The following BTLA variants were observed in gnomAD, a reference collection of about 807,000 sequenced individuals.
BTLA encodes B and T lymphocyte associated.
Under a neutral mutation model 25.0 loss-of-function variants are expected in BTLA, and 11 were observed. The ratio of observed to expected loss-of-function variants is 0.44; its 90% CI spans 0.28 to 0.73. The LOEUF (loss-of-function observed/expected upper bound fraction) is 0.73. Ranked by LOEUF, BTLA falls within the 30% of genes least tolerant of loss-of-function variation. The pLI, the probability that BTLA is intolerant of heterozygous loss-of-function variation, is 0.15. For missense variants in BTLA, 282 were observed against 332.8 expected (o/e 0.85, Z 1.19); for synonymous variants, 104 against 119.8 (o/e 0.87, Z 0.86).
rs2082252545 is a variant in BTLA, at chr3:112,469,821, A to G, written c.548-17T>C. The G allele has an allele frequency of 6.2e-7, 1 of 1,602,516 alleles. No homozygotes were observed. Among genetic ancestry groups the G allele is most frequent in the Non-Finnish European group, 8.5e-7 (1 of 1,174,982 alleles). On this transcript the variant is annotated splice_polypyrimidine_tract_variant and intron_variant, in intron 3 of 4. Coordinates refer to ENST00000334529, the MANE Select transcript of BTLA (RefSeq NM_181780.4). ...TTTGCTTTCCTGGAAGACAAAAAGAAAAAGAAGTAATCAAAAGGAGTAAAG... is the reference window on the plus strand; with the variant it reads ...TTTGCTTTCCTGGAAGACAAAAAGAGAAAGAAGTAATCAAAAGGAGTAAAG...
chr3:112,476,787 C>A (rs1475394568), intron 2 of BTLA, among the ~76,000 whole-genome samples: 1 of 152,136 alleles, frequency 6.6e-6, no homozygotes, highest in African/African-American at 2.4e-5. Context: ...GATCTAGATT[C>A]AGAACATATT....
intron 1 of BTLA, among the ~76,000 whole-genome samples, chr3:112,496,005 C>CT (rs894057032): frequency 8.5e-5 from 13 of 152,166 alleles, no homozygotes; most frequent in Non-Finnish European, 1.9e-4. Context: ...ACTAGGATTG[C>CT]TTTTTTTAAA....
At chr3:112,481,855 C>T (rs1332933737) in intron 1 of BTLA, among the ~76,000 whole-genome samples, 4 of 152,126 alleles carry the variant, frequency 2.6e-5, no homozygotes, top group Non-Finnish European at 4.4e-5. Flanking sequence ...CTGCCTCTTA[C>T]TGTATGCAGT....
At chr3:112,494,395 C>T (rs575771416) in intron 1 of BTLA, among the ~76,000 whole-genome samples, 33 of 152,208 alleles carry the variant, frequency 2.2e-4, no homozygotes, top group Middle Eastern at 3.4e-3. Context: ...CCAGCAATCC[C>T]GTTACTGGGT....
In BTLA at chr3:112,499,349, A is replaced by T; in HGVS notation, c.10T>A (p.Leu4Met). Residue 4 changes from leucine to methionine, a missense_variant, in exon 1 of 5, where the codon TTG becomes ATG. This residue lies in a region of BTLA where 163 missense variants were observed against 230.4 expected (regional missense o/e 0.71). Transcript: ENST00000334529. The stretch of plus-strand genomic sequence containing the variant: ...TTCCCAGTTCCAAGCATGGCAGGCA[A>T]TGTCTTCATTTCCTGCACATATCAG... MKT[L>M]PAMLGTGKLF... is the part of the protein sequence containing the mutation. The T allele has an allele frequency of 6.2e-7, 1 of 1,613,740 alleles. No individual in the cohort carries two copies. The highest frequency in any genetic ancestry group is 8.5e-7 in the Non-Finnish European group (1 of 1,179,842).
intron 1 of BTLA, among the ~76,000 whole-genome samples, chr3:112,484,591 A>G (rs764703756): frequency 6.6e-6 from 1 of 152,210 alleles, no homozygotes; most frequent in African/African-American, 2.4e-5. Flanking sequence ...TGCAATTTCT[A>G]TTCCTATCAC....
In BTLA at chr3:112,466,077, T is replaced by TC; in HGVS notation, c.*30dup. 1 of 1,530,494 alleles carries TC rather than the reference T, an allele frequency of 6.5e-7. No homozygotes were observed. 94.8% of individuals were successfully genotyped at this position (1,530,494 alleles called of 1,614,324 possible). Reference sequence around the variant, plus strand: ...ACAATGATGTCAACATGCTGATCATTCAATGGTCCCTGTTGGAGTCAGAAA... The same window carrying TC: ...ACAATGATGTCAACATGCTGATCATTCCAATGGTCCCTGTTGGAGTCAGAAA... On this transcript the variant is annotated 3_prime_UTR_variant, in exon 5 of 5. Coordinates refer to ENST00000334529, the MANE Select transcript of BTLA (RefSeq NM_181780.4).
intron 1 of BTLA, among the ~76,000 whole-genome samples, chr3:112,482,930 G>A (rs776411255): frequency 2.6e-5 from 4 of 152,074 alleles, no homozygotes; most frequent in South Asian, 4.1e-4. Flanking sequence ...CCAGAAGTCC[G>A]TTCCTCTCCC....
intron 1 of BTLA, among the ~76,000 whole-genome samples, chr3:112,494,582 GA>G (rs1341097889): frequency 3.9e-5 from 6 of 152,262 alleles, no homozygotes; most frequent in African/African-American, 1.2e-4. Context: ...CCATAAAAAA[GA>G]ATGAGATCAT....
chr3:112,468,169 G>T (rs1166016843), intron 4 of BTLA, among the ~76,000 whole-genome samples: 1 of 152,204 alleles, frequency 6.6e-6, no homozygotes, highest in Non-Finnish European at 1.5e-5. Context: ...TATAGTATAT[G>T]TTTAGATGTA....
chr3:112,469,496 G>A (rs1194457201), intron 4 of BTLA, among the ~76,000 whole-genome samples: 1 of 151,650 alleles, frequency 6.6e-6, no homozygotes, highest in Non-Finnish European at 1.5e-5. Context: ...GATCTAGACT[G>A]CCTTCCATGA....
chr3:112,490,135 G>A (rs187343009), intron 1 of BTLA, among the ~76,000 whole-genome samples: 101 of 152,294 alleles, frequency 6.6e-4, no homozygotes, highest in African/African-American at 2.4e-3. Context: ...GAAATGTGGT[G>A]ACATGAGGTT....
chr3:112,488,011 C>T (rs1275632202), intron 1 of BTLA, among the ~76,000 whole-genome samples: 1 of 152,112 alleles, frequency 6.6e-6, no homozygotes, highest in African/African-American at 2.4e-5. Flanking sequence ...TCCTTGTCAC[C>T]GTCCCATTCC....
intron 4 of BTLA, 30 bp downstream of exon 4, chr3:112,469,728 C>T (rs757124852): frequency 1.3e-6 from 2 of 1,577,546 alleles, no homozygotes; most frequent in African/African-American, 1.4e-5. Flanking sequence ...ACACAAATTG[C>T]ATTTGTTTCA....
chr3:112,484,572 C>A (rs1404261419), intron 1 of BTLA, among the ~76,000 whole-genome samples: 2 of 152,242 alleles, frequency 1.3e-5, no homozygotes, highest in African/African-American at 4.8e-5. Context: ...TACGAAACCA[C>A]TTCTAGCCTG....
intron 4 of BTLA, 139 bp downstream of exon 4, chr3:112,469,607 GTATATATATATA>G (rs60258722): frequency 0.016 from 906 of 58,434 alleles, 24 homozygotes; most frequent in African/African-American, 0.06. Flanking sequence ...ATGGGTCTAT[GTATATATATATA>G]TATATATATA....
At chr3:112,489,832 C>T (rs939067531) in intron 1 of BTLA, among the ~76,000 whole-genome samples, 2 of 152,108 alleles carry the variant, frequency 1.3e-5, no homozygotes, top group African/African-American at 2.4e-5. Context: ...TTCTGCCTTA[C>T]TTTAGAAGGC....
intron 1 of BTLA, among the ~76,000 whole-genome samples, chr3:112,494,233 T>C (rs1248815348): frequency 2.0e-5 from 3 of 152,030 alleles, no homozygotes; most frequent in Non-Finnish European, 4.4e-5. Flanking sequence ...GTCAGAATGG[T>C]GATTATTAAA....
At chr3:112,497,908 G>T (rs910737936) in intron 1 of BTLA, among the ~76,000 whole-genome samples, 5 of 152,106 alleles carry the variant, frequency 3.3e-5, no homozygotes, top group African/African-American at 9.7e-5. Flanking sequence ...AAATCACTGG[G>T]CATGGTGGCT....
Sources: gnomAD v4.1 joint callset for allele counts (sites outside exome capture counted in the v4.1 genomes callset) on GRCh38, gnomAD v4.1.1 for gene constraint, gnomAD v4.1.1 regional missense constraint, MANE v1.5 for transcripts, NCBI Gene and HGNC (gene_info 2026-07-23, HGNC 2026-07-21) for gene names.